KLF12: variants seen among roughly 807,000 people sequenced by gnomAD.
KLF12 encodes KLF transcription factor 12, also known as Krueppel-like factor 12.
In KLF12, 9 loss-of-function variants were observed where a neutral mutation model predicts 37.8. That is an observed-to-expected ratio of 0.24 (90% confidence interval 0.14 to 0.42). The LOEUF is 0.42. KLF12 is among the 10% of genes least tolerant of loss of function. The pLI, the probability that KLF12 is intolerant of heterozygous loss-of-function variation, is 1.00. For synonymous variants in KLF12, 208 were observed against 202.1 expected (o/e 1.03, Z -0.25); for missense variants, 411 against 516.0 (o/e 0.80, Z 1.97).
the KLF12 span, among the ~76,000 whole-genome samples, chr13:74,156,478 C>G: frequency 6.6e-6 from 1 of 152,192 alleles, no homozygotes; most frequent in East Asian, 1.9e-4. Flanking sequence ...CTTTGAGTTA[C>G]AAACAATCCA....
At chr13:74,153,506 C>T in the KLF12 span, among the ~76,000 whole-genome samples, 6 of 152,132 alleles carry the variant, frequency 3.9e-5, no homozygotes, top group Non-Finnish European at 8.8e-5. Context: ...CTATATCCTC[C>T]AGCTGTCATG....
chr13:73,695,995 C>T (rs1158266674), intron 7 of KLF12, among the ~76,000 whole-genome samples: 1 of 152,132 alleles, frequency 6.6e-6, no homozygotes, highest in Non-Finnish European at 1.5e-5. Context: ...AAGCTTTACC[C>T]AGTTTGATTT....
At chr13:74,286,855 T>A in the KLF12 span, among the ~76,000 whole-genome samples, 2 of 152,216 alleles carry the variant, frequency 1.3e-5, no homozygotes, top group African/African-American at 4.8e-5. Context: ...ATGAGTTTTA[T>A]GTCTCTGTCT....
chr13:73,693,199 CCTCT>C lies in KLF12; in HGVS notation c.*2287_*2290del, dbSNP rs552670364. Reference sequence around the variant, plus strand: ...CAGGGGGTTCATGGCTGTGTTTGTCCCTCTCTGTGTTCTCTGTCACTGACTAGTA... The same window carrying C: ...CAGGGGGTTCATGGCTGTGTTTGTCCCTGTGTTCTCTGTCACTGACTAGTA... On this transcript the variant is annotated 3_prime_UTR_variant, in exon 8 of 8. Coordinates refer to ENST00000377669, the MANE Select transcript of KLF12 (RefSeq NM_007249.5). 6.6e-5 allele frequency: 10 copies of C among 152,220 alleles called. No individual in the cohort carries two copies. In the South Asian group the frequency reaches 2.1e-3, roughly 32 times the overall value. 9.4% of individuals were successfully genotyped at this position (152,220 alleles called of 1,614,324 possible). A position where few individuals can be genotyped will look rare whatever the true frequency, so the allele number is the denominator to read the frequency against.
chr13:73,813,053 G>A, intron 5 of KLF12, 99 bp downstream of exon 5: 2 of 1,320,500 alleles, frequency 1.5e-6, no homozygotes, highest in Admixed American at 1.9e-5. Context: ...CCAGTTCACA[G>A]CTAGAATGAC....
At chr13:73,920,578 C>A (rs376411560) in intron 3 of KLF12, among the ~76,000 whole-genome samples, 2 of 152,280 alleles carry the variant, frequency 1.3e-5, no homozygotes, top group Admixed American at 6.5e-5. Flanking sequence ...AATTCTCTAT[C>A]CAAACTTGCC....
chr13:74,267,455 T>C, the KLF12 span, among the ~76,000 whole-genome samples: 143 of 152,318 alleles, frequency 9.4e-4, no homozygotes, highest in Non-Finnish European at 1.7e-3. Context: ...CTGGAGCTCA[T>C]TATGTGAAGT....
intron 1 of KLF12, among the ~76,000 whole-genome samples, chr13:74,101,115 C>T (rs1876318857): frequency 6.6e-6 from 1 of 152,036 alleles, no homozygotes; most frequent in Admixed American, 6.5e-5. Flanking sequence ...TATGTCTTCC[C>T]CTTACCTTCC....
the KLF12 span, among the ~76,000 whole-genome samples, chr13:74,297,540 A>G: frequency 6.6e-6 from 1 of 152,342 alleles, no homozygotes; most frequent in African/African-American, 2.4e-5. Context: ...AACTGTGGGC[A>G]GCTGTATTTT....
At chr13:74,038,140 A>G (rs772041404) in intron 1 of KLF12, among the ~76,000 whole-genome samples, 4 of 152,176 alleles carry the variant, frequency 2.6e-5, no homozygotes, top group South Asian at 4.1e-4. Context: ...ACCAATGTCA[A>G]TTTCTTAGTT....
intron 5 of KLF12, among the ~76,000 whole-genome samples, chr13:73,807,966 T>C (rs940202840): frequency 1.3e-5 from 2 of 152,184 alleles, no homozygotes; most frequent in African/African-American, 4.8e-5. Context: ...TATGAATGTT[T>C]GGAATGAGAA....
chr13:74,047,227 C>T (rs1893570549), intron 1 of KLF12, among the ~76,000 whole-genome samples: 1 of 152,046 alleles, frequency 6.6e-6, no homozygotes, highest in Non-Finnish European at 1.5e-5. Flanking sequence ...AGGATTTGCC[C>T]CTTAGTCACC....
chr13:74,137,537 A>G (rs1164095250), upstream of KLF12, among the ~76,000 whole-genome samples: 7 of 152,180 alleles, frequency 4.6e-5, no homozygotes. Flanking sequence ...TCTTTTACCT[A>G]ACACATTGTC....
the KLF12 span, among the ~76,000 whole-genome samples, chr13:74,223,365 C>T: frequency 5.3e-5 from 8 of 152,130 alleles, no homozygotes; most frequent in Non-Finnish European, 1.2e-4. Flanking sequence ...CTACTGAGAA[C>T]CCCCATCTAT....
chr13:73,744,673 C>T (rs1048841547), intron 6 of KLF12, among the ~76,000 whole-genome samples: 1 of 152,080 alleles, frequency 6.6e-6, no homozygotes, highest in African/African-American at 2.4e-5. Context: ...GGTAGGTAGA[C>T]ACTGAGGAGC....
chr13:73,980,699 G>A (rs529888989), intron 2 of KLF12, among the ~76,000 whole-genome samples: 1 of 152,236 alleles, frequency 6.6e-6, no homozygotes, highest in African/African-American at 2.4e-5. Context: ...CAAAGAAGCT[G>A]AAGTCCAAAT....
At chr13:74,130,837 G>A (rs1593925534) in intron 1 of KLF12, among the ~76,000 whole-genome samples, 4 of 152,164 alleles carry the variant, frequency 2.6e-5, no homozygotes, top group Admixed American at 1.3e-4. Flanking sequence ...ACAATCTACA[G>A]CTAGATTTAT....
the KLF12 span, among the ~76,000 whole-genome samples, chr13:74,142,651 A>C: frequency 6.6e-6 from 1 of 152,154 alleles, no homozygotes; most frequent in African/African-American, 2.4e-5. Flanking sequence ...GCAAGTCCTC[A>C]AAGCTTTTCG....
Position 74,027,094 on chromosome 13 carries a change from C to A in KLF12, c.-31-32041G>T, listed in dbSNP as rs1324917. 3.4e-3 allele frequency among the ~76,000 whole-genome samples: 524 copies of A among 152,238 alleles called. 4 individuals are homozygous for A. Among genetic ancestry groups the A allele is most frequent in the African/African-American group, 0.012 (489 of 41,528 alleles). On this transcript the variant is annotated intron_variant, in intron 1 of 7. Transcript: ENST00000377669. ...TTAAAAATAGAGTAGAATAAAGAAG[C>A]AGAATAGAAAAGAACAATGGGAAAG...
Sources: allele counts gnomAD v4.1 joint callset (sites outside exome capture counted in the v4.1 genomes callset), GRCh38; gene constraint gnomAD v4.1.1; transcripts MANE v1.5; gene names NCBI Gene and HGNC (gene_info 2026-07-23, HGNC 2026-07-21).